Variants in SGCZ observed in about 807,000 individuals in gnomAD.
SGCZ encodes the protein zeta-sarcoglycan.
In SGCZ, 40 loss-of-function variants were observed where a neutral mutation model predicts 41.3. The ratio of observed to expected loss-of-function variants is 0.97; its 90% CI spans 0.75 to 1.26. The LOEUF (loss-of-function observed/expected upper bound fraction) is 1.26. Among genes scored for constraint, SGCZ ranks in the 50% most tolerant of loss-of-function variants. The pLI, the probability that SGCZ is intolerant of heterozygous loss-of-function variation, is 0.00. For synonymous variants in SGCZ, 206 were observed against 137.5 expected, an observed-to-expected ratio of 1.50 and a Z score of -3.49; for missense variants, 552 against 369.8, an observed-to-expected ratio of 1.49 and a Z score of -4.04.
chr8:14,279,948 A>G (rs1800365650), intron 3 of SGCZ, among the ~76,000 whole-genome samples: 1 of 151,856 alleles, frequency 6.6e-6, no homozygotes, highest in African/African-American at 2.4e-5. Flanking sequence ...TAGATGTGAC[A>G]AGTCCAAACA....
At chr8:14,480,336 T>C (rs1801501321) in intron 2 of SGCZ, among the ~76,000 whole-genome samples, 1 of 152,204 alleles carries the variant, frequency 6.6e-6, no homozygotes, top group East Asian at 1.9e-4. Flanking sequence ...TTTTTTCTCT[T>C]TTCTTCAGGA....
chr8:14,193,607 T>G (rs553583077), intron 4 of SGCZ, among the ~76,000 whole-genome samples: 2 of 152,106 alleles, frequency 1.3e-5, no homozygotes, highest in Admixed American at 6.5e-5. Context: ...AAAATTGTAT[T>G]CTAAATGTAA....
At chr8:14,567,055 C>T (rs1207626351) in intron 1 of SGCZ, among the ~76,000 whole-genome samples, 2 of 152,232 alleles carry the variant, frequency 1.3e-5, no homozygotes, top group African/African-American at 2.4e-5. Context: ...CAATTTCTCC[C>T]TGGGTCTTAG....
intron 3 of SGCZ, among the ~76,000 whole-genome samples, chr8:14,322,020 T>C (rs1355129877): frequency 1.3e-5 from 2 of 152,132 alleles, no homozygotes; most frequent in African/African-American, 2.4e-5. Context: ...TGAATCATAA[T>C]GTGAGAGGTG....
At chr8:14,940,078 C>T (rs1800219926) in intron 1 of SGCZ, among the ~76,000 whole-genome samples, 2 of 152,160 alleles carry the variant, frequency 1.3e-5, no homozygotes, top group African/African-American at 4.8e-5. Flanking sequence ...AAGGGCCACT[C>T]TTAAGTCACT....
intron 1 of SGCZ, among the ~76,000 whole-genome samples, chr8:15,117,254 G>A (rs979819361): frequency 4.6e-5 from 7 of 152,054 alleles, no homozygotes. Flanking sequence ...AGCTACTCAG[G>A]GAGCTGAGGC....
At chr8:14,258,666 C>G (rs886705610) in intron 3 of SGCZ, among the ~76,000 whole-genome samples, 2 of 152,056 alleles carry the variant, frequency 1.3e-5, no homozygotes, top group African/African-American at 2.4e-5. Flanking sequence ...AAATAATATA[C>G]AAATTTTACT....
chr8:14,491,486 C>G lies in SGCZ; in HGVS notation c.234+63246G>C, dbSNP rs41483448. 1.4e-3 allele frequency among the ~76,000 whole-genome samples: 212 copies of G among 152,278 alleles called. 2 individuals carry two copies. The East Asian group carries it at 0.026, about 19-fold the overall frequency. On this transcript the variant is annotated intron_variant, in intron 2 of 7. Coordinates refer to ENST00000382080, the MANE Select transcript of SGCZ (RefSeq NM_139167.4). ...GACACTATTTGAGTAATGTACCAAA[C>G]ATAACTCTCAAGACTGTGAAGAATT...
intron 4 of SGCZ, among the ~76,000 whole-genome samples, chr8:14,225,499 A>G (rs1413733025): frequency 6.6e-6 from 1 of 152,136 alleles, no homozygotes; most frequent in Non-Finnish European, 1.5e-5. Context: ...TTAATGTTGA[A>G]TTAGAAATCA....
At chr8:14,489,456 C>T (rs1217176860) in intron 2 of SGCZ, among the ~76,000 whole-genome samples, 6 of 151,982 alleles carry the variant, frequency 3.9e-5, no homozygotes, top group South Asian at 2.1e-4. Context: ...TCAAAGAACA[C>T]ATTTGTACAT....
At chr8:14,763,794 G>C (rs1367745414) in intron 1 of SGCZ, among the ~76,000 whole-genome samples, 1 of 152,130 alleles carries the variant, frequency 6.6e-6, no homozygotes, top group African/African-American at 2.4e-5. Flanking sequence ...CCTCTGCAAA[G>C]AAGTCTTCAA....
At chr8:14,452,929 C>G (rs1293386733) in intron 2 of SGCZ, among the ~76,000 whole-genome samples, 2 of 151,852 alleles carry the variant, frequency 1.3e-5, no homozygotes, top group Admixed American at 1.3e-4. Flanking sequence ...ATGGTGAAAC[C>G]CAGTCTCTAC....
intron 1 of SGCZ, among the ~76,000 whole-genome samples, chr8:14,647,914 T>C (rs1807275668): frequency 6.6e-6 from 1 of 152,006 alleles, no homozygotes; most frequent in Non-Finnish European, 1.5e-5. Flanking sequence ...AATTCTTGTT[T>C]GGGTATTCCT....
At chr8:14,973,646 G>C (rs530202762) in intron 1 of SGCZ, among the ~76,000 whole-genome samples, 1 of 152,278 alleles carries the variant, frequency 6.6e-6, no homozygotes, top group Admixed American at 6.5e-5. Flanking sequence ...ACAATCAAAA[G>C]CTCAATGGTT....
intron 2 of SGCZ, among the ~76,000 whole-genome samples, chr8:14,493,558 G>A (rs1383892016): frequency 6.6e-6 from 1 of 150,488 alleles, no homozygotes; most frequent in East Asian, 2.0e-4. Context: ...AGTAGAGATG[G>A]GGTTTCACCA....
intron 1 of SGCZ, among the ~76,000 whole-genome samples, chr8:15,046,136 T>A (rs1362445580): frequency 6.6e-6 from 1 of 152,086 alleles, no homozygotes; most frequent in Non-Finnish European, 1.5e-5. Flanking sequence ...ACAGCATTTT[T>A]AATATAATAT....
At chr8:14,352,002 T>C (rs913999733) in intron 2 of SGCZ, among the ~76,000 whole-genome samples, 1 of 152,122 alleles carries the variant, frequency 6.6e-6, no homozygotes, top group African/African-American at 2.4e-5. Context: ...TTTAGATATA[T>C]TGTATGAAAT....
At chr8:14,690,739 G>C (rs996343943) in intron 1 of SGCZ, 3 of 152,088 alleles carry the variant, frequency 2.0e-5, no homozygotes, top group Non-Finnish European at 4.4e-5. Flanking sequence ...TTCAGAATAT[G>C]GCTCTAGGTA....
Position 14,720,876 on chromosome 8 carries a change from C to T in SGCZ, c.40-165950G>A, listed in dbSNP as rs115257609. On this transcript the variant is annotated intron_variant, in intron 1 of 7. Transcript: ENST00000382080. Reference sequence around the variant, plus strand: ...TCTTCTACTGTTTTGTAAATCCATTCCAATCAGGTTTTTTCCCCAATACTT... The same window carrying T: ...TCTTCTACTGTTTTGTAAATCCATTTCAATCAGGTTTTTTCCCCAATACTT... Among the ~76,000 whole-genome samples the T allele has an allele frequency of 9.3e-3, 1,416 of 151,638 alleles. 20 individuals carry two copies. The highest frequency in any genetic ancestry group is 0.031 in the Middle Eastern group (9 of 292).
Sources: gnomAD v4.1 joint callset for allele counts (sites outside exome capture counted in the v4.1 genomes callset) on GRCh38, gnomAD v4.1.1 for gene constraint, MANE v1.5 for transcripts, NCBI Gene and HGNC (gene_info 2026-07-23, HGNC 2026-07-21) for gene names.